Variants in PRPS2 observed in about 807,000 individuals in gnomAD.
PRPS2 encodes the protein phosphoribosyl pyrophosphate synthetase 2.
For missense variants in PRPS2, 104 were observed against 271.5 expected (o/e 0.38, Z 4.34); for synonymous variants, 111 against 115.3 (o/e 0.96, Z 0.24).
rs1187553552 is a variant in PRPS2, at chrX:12,823,139, T to C, written c.*343T>C. 1.2e-5 allele frequency: 2 copies of C among 172,541 alleles called. No homozygotes were observed. The highest frequency in any genetic ancestry group is 3.1e-5 in the African/African-American group (1 of 32,335). The allele number at this position is 172,541 out of a possible 1,213,427, so 14.2% of individuals were successfully genotyped here. On this transcript the variant is annotated 3_prime_UTR_variant, in exon 7 of 7. Coordinates refer to ENST00000380668, the MANE Select transcript of PRPS2 (RefSeq NM_002765.5). ...GTATATAATTTCATTGTGGAAGTCA[T>C]AGTTTATATATTTCGAGGTTGCCAA...
intron 1 of PRPS2, among the ~76,000 whole-genome samples, chrX:12,794,308 T>C (rs2042533390): frequency 9.0e-6 from 1 of 111,300 alleles, no homozygotes; most frequent in South Asian, 3.7e-4. Flanking sequence ...CAGCTCCTCT[T>C]CTTGTAGGCC....
chrX:12,798,534 C>T (rs1046497032), intron 1 of PRPS2, among the ~76,000 whole-genome samples: 1 of 112,535 alleles, frequency 8.9e-6, no homozygotes, highest in Non-Finnish European at 1.9e-5. Flanking sequence ...CCTCTGGGCA[C>T]TTTCTCTGTT....
intron 2 of PRPS2, among the ~76,000 whole-genome samples, chrX:12,807,537 TAGTG>T (rs1272806990): frequency 8.9e-6 from 1 of 112,319 alleles, no homozygotes; most frequent in Non-Finnish European, 1.9e-5. Flanking sequence ...TTCTCACAAT[TAGTG>T]AGGCTAATGA....
chrX:12,821,469 G>A (rs1017524118), intron 6 of PRPS2, among the ~76,000 whole-genome samples: 4 of 110,539 alleles, frequency 3.6e-5, no homozygotes, highest in Non-Finnish European at 5.7e-5. Flanking sequence ...GCAGTGGGGC[G>A]TTATCTATCA....
chrX:12,811,262 T>C (rs2042622707), intron 4 of PRPS2, among the ~76,000 whole-genome samples: 1 of 112,166 alleles, frequency 8.9e-6, no homozygotes, highest in African/African-American at 3.2e-5. Context: ...AAAAGGAAAC[T>C]GAGGTGAAGG....
intron 2 of PRPS2, among the ~76,000 whole-genome samples, chrX:12,807,834 TTTTC>T (rs1301304066): frequency 5.4e-5 from 6 of 110,379 alleles, no homozygotes; most frequent in African/African-American, 2.0e-4. Context: ...CCTCTCATTC[TTTTC>T]TTTCTGTTTT....
intron 2 of PRPS2, among the ~76,000 whole-genome samples, chrX:12,807,833 C>CTTTTCT (rs1235648418): frequency 9.6e-6 from 1 of 103,824 alleles, no homozygotes; most frequent in Non-Finnish European, 2.0e-5. Flanking sequence ...TCCTCTCATT[C>CTTTTCT]TTTTCTTTCT....
chrX:12,801,332 A>T (rs1244569312), intron 2 of PRPS2, among the ~76,000 whole-genome samples: 1 of 110,892 alleles, frequency 9.0e-6, no homozygotes, highest in Non-Finnish European at 1.9e-5. Flanking sequence ...GTGAAGCTGT[A>T]TCCTCCCACT....
At chrX:12,792,223 G>A (rs2147212396) in intron 1 of PRPS2, among the ~76,000 whole-genome samples, 1 of 112,351 alleles carries the variant, frequency 8.9e-6, no homozygotes, top group Non-Finnish European at 1.9e-5. Flanking sequence ...GATTTTACAA[G>A]CTTCCCTGGC....
intron 4 of PRPS2, among the ~76,000 whole-genome samples, chrX:12,817,503 G>A (rs10126562): frequency 3.2e-5 from 3 of 93,633 alleles, no homozygotes; most frequent in South Asian, 5.0e-4. Flanking sequence ...AATATTAGCC[G>A]AATAGGTTAT....
At chrX:12,807,097 G>A (rs1323162316) in intron 2 of PRPS2, among the ~76,000 whole-genome samples, 1 of 27,848 alleles carries the variant, frequency 3.6e-5, no homozygotes, top group African/African-American at 2.9e-4. Context: ...TCCTGGGAGG[G>A]GGGAAAAAAA....
chrX:12,791,766 C>T (rs2042520014), intron 1 of PRPS2, 147 bp downstream of exon 1: 2 of 581,159 alleles, frequency 3.4e-6, no homozygotes, highest in Non-Finnish European at 4.2e-6. Flanking sequence ...GGCCTCCGCG[C>T]CCCCGCGCCC....
intron 2 of PRPS2, among the ~76,000 whole-genome samples, chrX:12,807,452 C>T (rs953312002): frequency 8.9e-6 from 1 of 112,514 alleles, no homozygotes; most frequent in Non-Finnish European, 1.9e-5. Context: ...TATTGCAAAT[C>T]AGGTTCTATT....
chrX:12,805,477 G>A (rs772138083), intron 2 of PRPS2, among the ~76,000 whole-genome samples: 1 of 112,176 alleles, frequency 8.9e-6, no homozygotes, highest in African/African-American at 3.2e-5. Context: ...ATCTATTGCA[G>A]CAGCTCCACT....
rs965562648 is a variant in PRPS2 at position 12,823,907 on chromosome X, G to A, written c.*1111G>A. Reference sequence around the variant, plus strand: ...TTGTACATTTCTTGCTGCTCCTGGCGTGGAAACTTAAGTGAGACCACCAAA... The same window carrying A: ...TTGTACATTTCTTGCTGCTCCTGGCATGGAAACTTAAGTGAGACCACCAAA... On this transcript the variant is annotated 3_prime_UTR_variant, in exon 7 of 7. Transcript: ENST00000380668. 6 of 112,185 alleles carry A rather than the reference G, an allele frequency of 5.3e-5. No individual in the cohort carries two copies. The highest frequency in any genetic ancestry group is 3.7e-4 in the South Asian group (1 of 2,675). The allele number at this position is 112,185 out of a possible 1,213,427, so 9.2% of individuals were successfully genotyped here.
intron 4 of PRPS2, among the ~76,000 whole-genome samples, chrX:12,815,535 T>C (rs946640428): frequency 8.9e-6 from 1 of 111,913 alleles, no homozygotes; most frequent in Non-Finnish European, 1.9e-5. Context: ...GAGGTGTTCA[T>C]GTGTCTTGGG....
At chrX:12,819,172 A>T (rs754719031) in intron 4 of PRPS2, among the ~76,000 whole-genome samples, 2 of 112,963 alleles carry the variant, frequency 1.8e-5, no homozygotes, top group East Asian at 5.5e-4. Context: ...AGTAGTTCCT[A>T]AATAACTTAC....
chrX:12,793,046 A>G (rs1203299009), intron 1 of PRPS2, among the ~76,000 whole-genome samples: 3 of 112,401 alleles, frequency 2.7e-5, no homozygotes, highest in South Asian at 3.7e-4. Flanking sequence ...TGTTTAATGC[A>G]GAAGTCTGAG....
chrX:12,796,342 T>A (rs2042543616), intron 1 of PRPS2, among the ~76,000 whole-genome samples: 1 of 104,997 alleles, frequency 9.5e-6, no homozygotes, highest in Admixed American at 1.1e-4. Context: ...TGCCTCAGCC[T>A]CCCGAGTAGC....
Sources: gnomAD v4.1 joint callset for allele counts (sites outside exome capture counted in the v4.1 genomes callset) on GRCh38, gnomAD v4.1.1 for gene constraint, MANE v1.5 for transcripts, NCBI Gene and HGNC (gene_info 2026-07-23, HGNC 2026-07-21) for gene names.